Variants in RMST observed in about 807,000 individuals in gnomAD.
The protein encoded by RMST is long intergenic non-protein coding RNA 54.
At position 97,502,010 on chromosome 12, in the gene RMST, T is replaced by A. The variant is rs545554005; in HGVS notation, n.1340+5954T>A. On this transcript the variant is annotated intron_variant and non_coding_transcript_variant, in intron 10 of 13. Transcript: ENST00000640149. Reference sequence around the variant, plus strand: ...AGTTACGGTTGATAATGATTGGACTTTAACTTTAAGGAAGAGGTACTAGAT... The same window carrying A: ...AGTTACGGTTGATAATGATTGGACTATAACTTTAAGGAAGAGGTACTAGAT... 3.9e-5 allele frequency among the ~76,000 whole-genome samples: 6 copies of A among 152,298 alleles called. No individual in the cohort carries two copies. The South Asian group carries it at 1.2e-3, about 32-fold the overall frequency.
intron 5 of RMST, among the ~76,000 whole-genome samples, chr12:97,484,260 G>A (rs1429660487): frequency 6.6e-6 from 1 of 152,100 alleles, no homozygotes; most frequent in Non-Finnish European, 1.5e-5. Flanking sequence ...GCACATGCAC[G>A]CACACTCACA....
At chr12:97,472,870 T>C (rs1005419778) in intron 5 of RMST, among the ~76,000 whole-genome samples, 4 of 152,160 alleles carry the variant, frequency 2.6e-5, no homozygotes, top group African/African-American at 9.6e-5. Flanking sequence ...TTTTCAATCA[T>C]TCATTCACTC....
chr12:97,516,663 A>G (rs1055266238), intron 10 of RMST, among the ~76,000 whole-genome samples: 1 of 152,040 alleles, frequency 6.6e-6, no homozygotes, highest in Non-Finnish European at 1.5e-5. Context: ...GAAATTCATG[A>G]TGAAGTTATG....
chr12:97,525,544 A>G (rs1881006043), intron 10 of RMST, among the ~76,000 whole-genome samples: 1 of 152,196 alleles, frequency 6.6e-6, no homozygotes, highest in South Asian at 2.1e-4. Flanking sequence ...CAAAGGATAT[A>G]CTGTGAAGAT....
At chr12:97,531,960 A>G in intron 11 of RMST, among the ~76,000 whole-genome samples, 1 of 151,998 alleles carries the variant, frequency 6.6e-6, no homozygotes, top group Non-Finnish European at 1.5e-5. Flanking sequence ...CAATATATTC[A>G]TTTTAAAATT....
chr12:97,543,002 C>G (rs1882665663), intron 11 of RMST, among the ~76,000 whole-genome samples: 1 of 151,914 alleles, frequency 6.6e-6, no homozygotes, highest in South Asian at 2.1e-4. Context: ...TATTTAAATT[C>G]TGTTTTCTAG....
intron 11 of RMST, among the ~76,000 whole-genome samples, chr12:97,555,342 C>T (rs2136660056): frequency 1.3e-5 from 2 of 152,206 alleles, no homozygotes; most frequent in Non-Finnish European, 2.9e-5. Flanking sequence ...AAAGCCTTTC[C>T]TCCATGGAAA....
intron 4 of RMST, among the ~76,000 whole-genome samples, chr12:97,464,155 G>T (rs374264983): frequency 2.6e-5 from 4 of 152,152 alleles, no homozygotes; most frequent in East Asian, 1.9e-4. Context: ...AGAATTCTTT[G>T]TCACAAAAAT....
intron 10 of RMST, among the ~76,000 whole-genome samples, chr12:97,528,386 A>G (rs1592746656): frequency 6.6e-6 from 1 of 152,100 alleles, no homozygotes; most frequent in East Asian, 1.9e-4. Context: ...TTCTTTGGAG[A>G]CATTGTTTCC....
chr12:97,472,021 G>T (rs1274949547), intron 5 of RMST, among the ~76,000 whole-genome samples: 1 of 152,066 alleles, frequency 6.6e-6, no homozygotes, highest in African/African-American at 2.4e-5. Flanking sequence ...TTGGTCAAAA[G>T]ATTTTTTTAA....
intron 10 of RMST, among the ~76,000 whole-genome samples, chr12:97,523,544 A>G (rs1178485864): frequency 2.0e-5 from 3 of 152,250 alleles, no homozygotes; most frequent in Admixed American, 1.3e-4. Flanking sequence ...TTTGATTATT[A>G]TACAATGTAT....
intron 11 of RMST, among the ~76,000 whole-genome samples, chr12:97,559,152 G>A (rs1443860213): frequency 1.3e-5 from 2 of 151,390 alleles, no homozygotes; most frequent in Non-Finnish European, 2.9e-5. Context: ...TTTTGAATAT[G>A]CATGTGATCT....
At chr12:97,499,660 T>TC (rs918727743) in intron 10 of RMST, among the ~76,000 whole-genome samples, 6 of 148,676 alleles carry the variant, frequency 4.0e-5, no homozygotes, top group African/African-American at 7.6e-5. Flanking sequence ...TTTCTTTCTT[T>TC]TTTTTTTTTT....
At chr12:97,467,032 G>T (rs887945515) in intron 5 of RMST, among the ~76,000 whole-genome samples, 4 of 152,024 alleles carry the variant, frequency 2.6e-5, no homozygotes, top group African/African-American at 9.7e-5. Flanking sequence ...AGAAAGCTGA[G>T]AAAAGAAGGA....
At chr12:97,504,092 A>G (rs1013844) in intron 10 of RMST, among the ~76,000 whole-genome samples, 6,007 of 152,068 alleles carry the variant, frequency 0.04, 402 homozygotes, top group African/African-American at 0.14. Flanking sequence ...ATGTGTTTTC[A>G]CTATGTTAGC....
At chr12:97,475,788 G>A (rs1874489495) in intron 5 of RMST, among the ~76,000 whole-genome samples, 1 of 152,046 alleles carries the variant, frequency 6.6e-6, no homozygotes. Flanking sequence ...TTGTTTTTAG[G>A]AAAGGACATG....
In RMST at chr12:97,467,256, C is replaced by T. The variant is rs573932437; in HGVS notation, n.644+1529C>T. Among the ~76,000 whole-genome samples, 27 of 151,982 alleles carry T rather than the reference C, an allele frequency of 1.8e-4. 1 individual carries two copies. The highest frequency in any genetic ancestry group is 5.3e-4 in the African/African-American group (22 of 41,504). ...AATGTTACCAGGAACATCTTTGCACCTCAATTCTTTCAGGAGATGTACACA... is the reference window on the plus strand; with the variant it reads ...AATGTTACCAGGAACATCTTTGCACTTCAATTCTTTCAGGAGATGTACACA... On this transcript the variant is annotated intron_variant and non_coding_transcript_variant, in intron 5 of 13. Coordinates refer to ENST00000640149, the Ensembl canonical transcript of RMST.
intron 5 of RMST, among the ~76,000 whole-genome samples, chr12:97,471,238 G>T (rs978767849): frequency 1.3e-5 from 2 of 152,054 alleles, no homozygotes; most frequent in Non-Finnish European, 1.5e-5. Context: ...CTTCAAGGAG[G>T]TATTACTTTT....
intron 5 of RMST, among the ~76,000 whole-genome samples, chr12:97,488,873 C>G (rs1053613745): frequency 6.6e-6 from 1 of 152,062 alleles, no homozygotes; most frequent in Non-Finnish European, 1.5e-5. Context: ...ATTTTATGCT[C>G]CAGAATAGCC....
Sources: gnomAD v4.1 joint callset for allele counts (sites outside exome capture counted in the v4.1 genomes callset) on GRCh38, gnomAD v4.1.1 for gene constraint, MANE v1.5 for transcripts, NCBI Gene and HGNC (gene_info 2026-07-23, HGNC 2026-07-21) for gene names.